The following ECHS1 variants were observed in gnomAD, a reference collection of about 807,000 sequenced individuals.
The protein encoded by ECHS1 is enoyl-CoA hydratase, mitochondrial.
A neutral mutation model predicts 33.5 loss-of-function variants in ECHS1; 19 were observed. The observed-to-expected ratio is 0.57, with a 90% CI of 0.40 to 0.83. The LOEUF (loss-of-function observed/expected upper bound fraction) is 0.83, where lower values mean the gene tolerates loss of function less well. Ranked by LOEUF, ECHS1 falls within the 40% of genes least tolerant of loss-of-function variation. The pLI is 0.00. For synonymous variants in ECHS1, 158 were observed against 146.6 expected (o/e 1.08, Z -0.56); for missense variants, 365 against 381.3 (o/e 0.96, Z 0.36).
chr10:133,362,683 C>A lies in ECHS1; in HGVS notation c.*185G>T. The A allele has an allele frequency of 3.1e-6, 2 of 650,946 alleles. No homozygotes were observed. Among genetic ancestry groups the A allele is most frequent in the East Asian group, 2.8e-5 (1 of 36,226 alleles). The allele number at this position is 650,946 out of a possible 1,614,324, so 40.3% of individuals were successfully genotyped here. A position where few individuals can be genotyped will look rare whatever the true frequency, so the allele number is the denominator to read the frequency against. Reference sequence around the variant, plus strand: ...ATTTAGAAGGTGCTCCAGTCAGGACCCTCACAGGCTGGGTGACGAAGGCTG... The same window carrying A: ...ATTTAGAAGGTGCTCCAGTCAGGACACTCACAGGCTGGGTGACGAAGGCTG... On this transcript the variant is annotated 3_prime_UTR_variant, in exon 8 of 8. Coordinates refer to ENST00000368547, the MANE Select transcript of ECHS1 (RefSeq NM_004092.4).
chr10:133,372,662 C>T (rs1418307693), intron 1 of ECHS1, among the ~76,000 whole-genome samples: 1 of 148,032 alleles, frequency 6.8e-6, no homozygotes, highest in Non-Finnish European at 1.5e-5. Flanking sequence ...TGAGAGTGGC[C>T]TCCTGCAGAG....
intron 4 of ECHS1, among the ~76,000 whole-genome samples, chr10:133,368,331 G>T (rs1481737455): frequency 6.6e-6 from 1 of 152,314 alleles, no homozygotes; most frequent in East Asian, 1.9e-4. Flanking sequence ...ACAGCTCCAG[G>T]CCTCAGAATC....
chr10:133,368,190 A>C (rs1297888623), intron 4 of ECHS1, among the ~76,000 whole-genome samples: 2 of 152,110 alleles, frequency 1.3e-5, no homozygotes, highest in African/African-American at 4.8e-5. Flanking sequence ...CAAGGTGATG[A>C]CTCTGTAGGG....
At chr10:133,365,241 G>C (rs1849013313) in intron 6 of ECHS1, among the ~76,000 whole-genome samples, 1 of 152,182 alleles carries the variant, frequency 6.6e-6, no homozygotes, top group Non-Finnish European at 1.5e-5. Flanking sequence ...TCCTCTCCCA[G>C]GGGAGCACGA....
chr10:133,373,156 T>C, intron 1 of ECHS1, 90 bp downstream of exon 1: 1 of 846,390 alleles, frequency 1.2e-6, no homozygotes, highest in Non-Finnish European at 1.5e-6. Context: ...CGGGGTCAGG[T>C]GGGAGGGGGG....
intron 3 of ECHS1, 24 bp downstream of exon 3, chr10:133,369,880 G>A (rs779922133): frequency 2.5e-6 from 4 of 1,611,992 alleles, no homozygotes; most frequent in South Asian, 1.1e-5. Context: ...ACGAGAGGAG[G>A]AGACTCTTGG....
intron 3 of ECHS1, 123 bp from the exon 4 acceptor site, chr10:133,369,145 G>A (rs2133442105): frequency 2.5e-6 from 2 of 795,662 alleles, no homozygotes; most frequent in South Asian, 3.4e-5. Context: ...AGACTAACAT[G>A]GTGGCACCAA....
At chr10:133,365,137 T>C (rs1383247587) in intron 6 of ECHS1, among the ~76,000 whole-genome samples, 1 of 152,234 alleles carries the variant, frequency 6.6e-6, no homozygotes, top group African/African-American at 2.4e-5. Context: ...TTGGCTCTGC[T>C]CATTCCAGGC....
intron 5 of ECHS1, 71 bp from the exon 6 acceptor site, chr10:133,366,166 C>A (rs543745163): frequency 1.3e-6 from 2 of 1,555,176 alleles, no homozygotes; most frequent in Admixed American, 3.5e-5. Flanking sequence ...AGTGAGTGGC[C>A]GCTGGGGAGC....
At position 133,362,786 on chromosome 10, in the gene ECHS1, G is replaced by C. The variant is rs1178920082; in HGVS notation, c.*82C>G. 1 of 1,478,732 alleles carries C rather than the reference G, an allele frequency of 6.8e-7. No homozygotes were observed. Among genetic ancestry groups the C allele is most frequent in the South Asian group, 1.1e-5 (1 of 88,350 alleles). 91.6% of individuals were successfully genotyped at this position (1,478,732 alleles called of 1,614,324 possible). On this transcript the variant is annotated 3_prime_UTR_variant, in exon 8 of 8. Transcript: ENST00000368547. ...ACACCACGGACACTGCTCTTGAAAA[G>C]AGGATGATTTACTTGCTTCTAAAAC...
At chr10:133,363,843 G>A (rs1848997585) in intron 7 of ECHS1, among the ~76,000 whole-genome samples, 2 of 152,128 alleles carry the variant, frequency 1.3e-5, no homozygotes, top group Admixed American at 1.3e-4. Flanking sequence ...GTTACTGGCA[G>A]AAATCTTATA....
chr10:133,366,844 AC>A, intron 5 of ECHS1, 44 bp downstream of exon 5: 1 of 1,493,648 alleles, frequency 6.7e-7, no homozygotes. Context: ...TGGGGCTCCC[AC>A]CCCGGGTTTC....
At chr10:133,368,060 C>T (rs938654339) in intron 4 of ECHS1, among the ~76,000 whole-genome samples, 1 of 152,112 alleles carries the variant, frequency 6.6e-6, no homozygotes, top group African/African-American at 2.4e-5. Flanking sequence ...GCTGTTTTCT[C>T]TTTATCTCTT....
At position 133,367,081 on chromosome 10, in the gene ECHS1, C is replaced by T. The variant is rs1773553640; in HGVS notation, c.515-88G>A. 4.4e-5 allele frequency: 47 copies of T among 1,079,700 alleles called. No homozygotes were observed. In the South Asian group the frequency reaches 6.1e-4, roughly 14 times the overall value. 66.9% of individuals were successfully genotyped at this position (1,079,700 alleles called of 1,614,324 possible). On this transcript the variant is annotated intron_variant, in intron 4 of 7. Transcript: ENST00000368547. ...TGTGCAGCCAGCAAATTCCAAGGGG[C>T]TTAAGATAGGCCCTGAGACTAGGTC...
At chr10:133,365,665 A>AT (rs1849018005) in intron 6 of ECHS1, among the ~76,000 whole-genome samples, 1 of 152,164 alleles carries the variant, frequency 6.6e-6, no homozygotes, top group Non-Finnish European at 1.5e-5. Context: ...GGCAGAGACC[A>AT]TTTTACATTT....
At position 133,370,060 on chromosome 10, in the gene ECHS1, T is replaced by C. The variant is rs1205079318; in HGVS notation, c.287-29A>G. Reference sequence around the variant, plus strand: ...GCAGGAGTGGAAAGGAGGTTCCAGTTACCAGAGAGCAGAGAGCCCACCCAT... The same window carrying C: ...GCAGGAGTGGAAAGGAGGTTCCAGTCACCAGAGAGCAGAGAGCCCACCCAT... On this transcript the variant is annotated intron_variant, in intron 2 of 7. Transcript: ENST00000368547. 1.9e-6 allele frequency: 3 copies of C among 1,612,818 alleles called. No individual in the cohort carries two copies. In the Admixed American group the frequency reaches 5.0e-5, roughly 27 times the overall value.
rs56694079 is a variant in ECHS1 at position 133,369,361 on chromosome 10, C to T, written c.415-339G>A. ...GAAAACTCCATCCGCAGACCCCTGG[C>T]TTACACGGCAGGGAGTGTCATGAAA... On this transcript the variant is annotated intron_variant, in intron 3 of 7. Coordinates refer to ENST00000368547, the MANE Select transcript of ECHS1 (RefSeq NM_004092.4). Among the ~76,000 whole-genome samples the T allele has an allele frequency of 2.5e-3, 72 of 29,352 alleles. 1 individual carries two copies. The highest frequency in any genetic ancestry group is 3.9e-3 in the African/African-American group (67 of 17,198). 19.3% of individuals were successfully genotyped at this position (29,352 alleles called of 152,430 possible). A position where few individuals can be genotyped will look rare whatever the true frequency, so the allele number is the denominator to read the frequency against.
Position 133,373,292 on chromosome 10 carries a change from C to T in ECHS1, c.42G>A (p.Pro14=), listed in dbSNP as rs752132371. The T allele has an allele frequency of 1.3e-6, 2 of 1,481,946 alleles. No individual in the cohort carries two copies. The highest frequency in any genetic ancestry group is 2.3e-5 in the Admixed American group (1 of 43,330). The allele number at this position is 1,481,946 out of a possible 1,614,324, so 91.8% of individuals were successfully genotyped here. A position where few individuals can be genotyped will look rare whatever the true frequency, so the allele number is the denominator to read the frequency against. ...LRVLLSCVRG[P]LRPPVRCPAW... is the part of the protein sequence containing the mutation. ...CGGGACAGCGAACCGGGGGCCTCAG[C>T]GGGCCGCGGACGCAGGACAGCAGGA... Residue 14 remains proline, a synonymous_variant, in exon 1 of 8, where the codon CCG becomes CCA. Transcript: ENST00000368547.
intron 4 of ECHS1, among the ~76,000 whole-genome samples, chr10:133,367,902 C>T (rs547804749): frequency 2.4e-4 from 37 of 152,310 alleles, no homozygotes; most frequent in Admixed American, 2.0e-3. Flanking sequence ...CCCATGATCA[C>T]GTGACTTGCT....
Sources: gnomAD v4.1 joint callset for allele counts (sites outside exome capture counted in the v4.1 genomes callset) on GRCh38, gnomAD v4.1.1 for gene constraint, MANE v1.5 for transcripts, NCBI Gene and HGNC (gene_info 2026-07-23, HGNC 2026-07-21) for gene names.